ASIC2: variants seen among roughly 807,000 people sequenced by gnomAD.
ASIC2 encodes the protein acid sensing ion channel subunit 2.
A neutral mutation model predicts 57.3 loss-of-function variants in ASIC2; 25 were observed. The observed-to-expected ratio is 0.44, with a 90% CI of 0.32 to 0.61. The LOEUF (loss-of-function observed/expected upper bound fraction) is 0.61, where lower values mean the gene tolerates loss of function less well. ASIC2 is among the 20% of genes least tolerant of loss of function. The probability of loss-of-function intolerance (pLI) is 0.06; values close to 1 mark genes in which losing one functional copy is unlikely to be tolerated. For synonymous variants in ASIC2, 319 were observed against 307.5 expected (o/e 1.04, Z -0.39); for missense variants, 641 against 738.1 (o/e 0.87, Z 1.52).
intron 1 of ASIC2, among the ~76,000 whole-genome samples, chr17:33,844,885 C>T (rs532137770): frequency 6.6e-6 from 1 of 152,186 alleles, no homozygotes; most frequent in Non-Finnish European, 1.5e-5. Context: ...CCTGGGATTT[C>T]CATTTTTGAG....
At chr17:33,930,506 G>C (rs1388083610) in intron 1 of ASIC2, among the ~76,000 whole-genome samples, 1 of 152,322 alleles carries the variant, frequency 6.6e-6, no homozygotes, top group Non-Finnish European at 1.5e-5. Flanking sequence ...ATAAGGGCTG[G>C]AGACCAGAGC....
At chr17:33,056,474 C>G (rs538748970) in intron 3 of ASIC2, among the ~76,000 whole-genome samples, 8 of 152,206 alleles carry the variant, frequency 5.3e-5, no homozygotes, top group African/African-American at 7.2e-5. Flanking sequence ...CAGTAGGATT[C>G]AGCCTTCTTT....
At chr17:33,096,586 C>G (rs1055260704) in intron 2 of ASIC2, among the ~76,000 whole-genome samples, 1 of 152,184 alleles carries the variant, frequency 6.6e-6, no homozygotes, top group African/African-American at 2.4e-5. Context: ...ATGGTGAAGT[C>G]TCTGTCCTCC....
At chr17:33,629,084 A>G (rs556981008) in intron 1 of ASIC2, among the ~76,000 whole-genome samples, 1 of 152,268 alleles carries the variant, frequency 6.6e-6, no homozygotes, top group South Asian at 2.1e-4. Flanking sequence ...TGTGTTGCCA[A>G]CATCTGCCTG....
chr17:33,717,701 C>T (rs891539132), intron 1 of ASIC2, among the ~76,000 whole-genome samples: 1 of 152,102 alleles, frequency 6.6e-6, no homozygotes, highest in African/African-American at 2.4e-5. Context: ...TGCCCAAGCC[C>T]CAGTGAGCTG....
intron 1 of ASIC2, among the ~76,000 whole-genome samples, chr17:33,975,209 T>A (rs1284812225): frequency 6.6e-6 from 1 of 152,172 alleles, no homozygotes; most frequent in Non-Finnish European, 1.5e-5. Flanking sequence ...TCCCTGTGGA[T>A]CCTTTCTCCC....
At chr17:33,594,600 A>C (rs1904923319) in intron 1 of ASIC2, among the ~76,000 whole-genome samples, 2 of 152,154 alleles carry the variant, frequency 1.3e-5, no homozygotes, top group African/African-American at 4.8e-5. Context: ...AGGCTGAGGC[A>C]GGCGGATCAC....
intron 1 of ASIC2, among the ~76,000 whole-genome samples, chr17:33,535,400 G>A (rs924308379): frequency 3.3e-5 from 5 of 151,926 alleles, no homozygotes; most frequent in African/African-American, 1.2e-4. Context: ...AGCCTCCCGA[G>A]TAGCTGGGAC....
intron 1 of ASIC2, among the ~76,000 whole-genome samples, chr17:33,534,992 C>T (rs1393954658): frequency 6.6e-6 from 1 of 152,174 alleles, no homozygotes. Context: ...TCCTTAGCAG[C>T]GCAGAAATCC....
chr17:33,769,577 A>G (rs1389892554), intron 1 of ASIC2, among the ~76,000 whole-genome samples: 1 of 152,250 alleles, frequency 6.6e-6, no homozygotes, highest in Non-Finnish European at 1.5e-5. Flanking sequence ...ACCTTTATTT[A>G]TGAACACGTA....
intron 2 of ASIC2, among the ~76,000 whole-genome samples, chr17:33,102,940 C>T (rs753386513): frequency 3.3e-5 from 5 of 152,104 alleles, no homozygotes; most frequent in Admixed American, 1.3e-4. Context: ...CCCACCACCA[C>T]GCCCGGCTAA....
intron 1 of ASIC2, among the ~76,000 whole-genome samples, chr17:33,846,069 A>G (rs1421992041): frequency 6.6e-6 from 1 of 152,228 alleles, no homozygotes; most frequent in Non-Finnish European, 1.5e-5. Flanking sequence ...AAGGCCAGAA[A>G]TGTCCAAAGG....
intron 1 of ASIC2, among the ~76,000 whole-genome samples, chr17:33,877,456 A>C (rs1476416341): frequency 6.6e-6 from 1 of 152,216 alleles, no homozygotes; most frequent in African/African-American, 2.4e-5. Context: ...AGCAAATGGC[A>C]CACCAGGAGA....
intron 1 of ASIC2, among the ~76,000 whole-genome samples, chr17:33,263,250 C>T (rs935269394): frequency 1.3e-5 from 2 of 152,170 alleles, no homozygotes; most frequent in Admixed American, 6.5e-5. Context: ...ATGATTCACC[C>T]GCTGTCTCTC....
At chr17:33,362,047 C>T (rs924442018) in intron 1 of ASIC2, among the ~76,000 whole-genome samples, 2 of 152,166 alleles carry the variant, frequency 1.3e-5, no homozygotes, top group African/African-American at 2.4e-5. Context: ...TGTTATACCT[C>T]GGGTAGAACT....
At chr17:33,566,854 C>T (rs1916249926) in intron 1 of ASIC2, among the ~76,000 whole-genome samples, 6 of 152,080 alleles carry the variant, frequency 3.9e-5, no homozygotes, top group Admixed American at 3.9e-4. Flanking sequence ...ACTTGCTCCT[C>T]TTAACTGCAT....
intron 1 of ASIC2, among the ~76,000 whole-genome samples, chr17:33,200,469 G>C (rs998992285): frequency 1.1e-4 from 17 of 152,168 alleles, no homozygotes; most frequent in Admixed American, 1.1e-3. Context: ...GTCCAAAACT[G>C]AGATCCTGAT....
intron 1 of ASIC2, among the ~76,000 whole-genome samples, chr17:34,120,722 C>CTTTTTTTTTTTTTTTTTTTTTTT (rs142959293): frequency 3.2e-5 from 3 of 94,624 alleles, no homozygotes; most frequent in Admixed American, 1.4e-4. Context: ...TGGGGTCCTT[C>CTTTTTTTTTTTTTTTTTTTTTTT]TTTTTTTTTT....
At chr17:33,025,512 T>C (rs115192162) in intron 5 of ASIC2, among the ~76,000 whole-genome samples, 1,961 of 152,244 alleles carry the variant, frequency 0.013, 42 homozygotes, top group African/African-American at 0.044. Context: ...GGCCTCCCCA[T>C]GTAGACACCA....
Sources: allele counts gnomAD v4.1 joint callset (sites outside exome capture counted in the v4.1 genomes callset), GRCh38; gene constraint gnomAD v4.1.1; transcripts MANE v1.5; gene names NCBI Gene and HGNC (gene_info 2026-07-23, HGNC 2026-07-21).